NAV2: variants seen among roughly 807,000 people sequenced by gnomAD.
NAV2 encodes neuron navigator 2, also known as helicase, APC down-regulated 1.
NAV2 carries 54 observed loss-of-function variants against 223.2 expected under a neutral mutation model. The observed-to-expected ratio is 0.24, with a 90% confidence interval of 0.19 to 0.30. The LOEUF is 0.30. NAV2 is among the 10% of genes least tolerant of loss of function. The probability of loss-of-function intolerance (pLI) is 1.00; values close to 1 mark genes in which losing one functional copy is unlikely to be tolerated. For synonymous variants in NAV2, 1,279 were observed against 1,239.3 expected (o/e 1.03, Z -0.67); for missense variants, 2,806 against 3,147.5 (o/e 0.89, Z 2.60).
intron 26 of NAV2, among the ~76,000 whole-genome samples, chr11:20,089,674 T>C (rs1354614333): frequency 6.6e-6 from 1 of 152,232 alleles, no homozygotes; most frequent in Non-Finnish European, 1.5e-5. Context: ...CTTTCTATTC[T>C]GGATCACCCA....
intron 10 of NAV2, among the ~76,000 whole-genome samples, chr11:19,980,718 A>G (rs2050218790): frequency 6.6e-6 from 1 of 152,262 alleles, no homozygotes; most frequent in Non-Finnish European, 1.5e-5. Flanking sequence ...CAATTCCTAT[A>G]CAAATTTTGG....
intron 1 of NAV2, among the ~76,000 whole-genome samples, chr11:19,416,184 A>C (rs1167527990): frequency 1.3e-5 from 2 of 152,246 alleles, no homozygotes; most frequent in Non-Finnish European, 2.9e-5. Context: ...ATGATTGTAT[A>C]TTTAGAAAAC....
intron 1 of NAV2, among the ~76,000 whole-genome samples, chr11:19,670,161 C>T (rs567571098): frequency 1.8e-4 from 28 of 152,288 alleles, no homozygotes; most frequent in African/African-American, 6.3e-4. Context: ...ACGCTGTTGC[C>T]TCTGCCTAGA....
At position 20,045,585 on chromosome 11, in the gene NAV2, G is replaced by C; in HGVS notation, c.3817G>C (p.Ala1273Pro). ...ASCNSVKVNPAAQPVSSPAQT... is the reference protein window; with the variant it reads ...ASCNSVKVNPPAQPVSSPAQT... The stretch of plus-strand genomic sequence containing the variant: ...CTGTAACTCGGTGAAAGTGAATCCG[G>C]CAGCCCAGCCTGTGTCCAGTCCGGC... Residue 1273 changes from alanine to proline, a missense_variant, in exon 14 of 38, where the codon GCA becomes CCA. Physicochemically the swap from Ala to Pro is conservative, Grantham distance 27 (BLOSUM62 -1). Transcript: ENST00000349880. The C allele has an allele frequency of 6.2e-7, 1 of 1,614,142 alleles. No individual in the cohort carries two copies. The highest frequency in any genetic ancestry group is 8.5e-7 in the Non-Finnish European group (1 of 1,180,018).
intron 1 of NAV2, chr11:19,504,989 T>C (rs2043078779): frequency 6.6e-6 from 1 of 152,166 alleles, no homozygotes; most frequent in African/African-American, 2.4e-5. Context: ...AGTGATGGAG[T>C]TCGAGACTGA....
chr11:19,861,138 A>C (rs1029145296), intron 3 of NAV2, among the ~76,000 whole-genome samples: 1 of 151,742 alleles, frequency 6.6e-6, no homozygotes, highest in African/African-American at 2.4e-5. Flanking sequence ...CCAGAGTCAT[A>C]TTCTCTTAAA....
chr11:20,021,025 T>C (rs1454962521), intron 11 of NAV2, among the ~76,000 whole-genome samples: 1 of 152,194 alleles, frequency 6.6e-6, no homozygotes, highest in South Asian at 2.1e-4. Context: ...CCCATACTTC[T>C]TTTAGATTTG....
At chr11:19,941,963 G>A (rs578092743) in intron 8 of NAV2, among the ~76,000 whole-genome samples, 62 of 152,120 alleles carry the variant, frequency 4.1e-4, no homozygotes, top group African/African-American at 1.3e-3. Context: ...TTTTTTCCAT[G>A]GTCCTTTTGT....
chr11:19,831,533 A>C (rs926696997), intron 1 of NAV2, among the ~76,000 whole-genome samples: 1 of 152,302 alleles, frequency 6.6e-6, no homozygotes, highest in Non-Finnish European at 1.5e-5. Flanking sequence ...CCTAAGGCCT[A>C]CATGTTCACA....
At chr11:19,514,888 G>A (rs2043395965) in intron 1 of NAV2, among the ~76,000 whole-genome samples, 1 of 152,112 alleles carries the variant, frequency 6.6e-6, no homozygotes, top group South Asian at 2.1e-4. Context: ...GAGTTTTTGG[G>A]GCCTCTGAGC....
intron 1 of NAV2, among the ~76,000 whole-genome samples, chr11:19,476,786 G>T (rs2042129406): frequency 6.6e-6 from 1 of 152,152 alleles, no homozygotes; most frequent in African/African-American, 2.4e-5. Flanking sequence ...CTTAGACTTG[G>T]GGAATCAAAA....
At chr11:19,907,341 C>G (rs1008878718) in intron 6 of NAV2, among the ~76,000 whole-genome samples, 1 of 152,092 alleles carries the variant, frequency 6.6e-6, no homozygotes, top group Non-Finnish European at 1.5e-5. Context: ...TCTGATAAAC[C>G]GTGATGAAAA....
chr11:19,362,087 T>G (rs958299928), intron 1 of NAV2, among the ~76,000 whole-genome samples: 3 of 152,182 alleles, frequency 2.0e-5, no homozygotes, highest in African/African-American at 7.2e-5. Context: ...GGCCCTGTAA[T>G]GCAGGTGCAG....
intron 1 of NAV2, among the ~76,000 whole-genome samples, chr11:19,741,406 C>A (rs1487867162): frequency 2.6e-5 from 4 of 151,530 alleles, no homozygotes; most frequent in African/African-American, 9.7e-5. Flanking sequence ...TGTTCTATAT[C>A]TCCCCATTCT....
At chr11:19,381,876 C>CGGTTCTGG (rs1848849407) in intron 1 of NAV2, among the ~76,000 whole-genome samples, 1 of 152,112 alleles carries the variant, frequency 6.6e-6, no homozygotes, top group African/African-American at 2.4e-5. Flanking sequence ...TTAGAGGGGC[C>CGGTTCTGG]GTTTCTGGGT....
chr11:19,524,980 C>A (rs775603178), intron 1 of NAV2, among the ~76,000 whole-genome samples: 5 of 152,106 alleles, frequency 3.3e-5, no homozygotes, highest in Non-Finnish European at 7.4e-5. Context: ...GGGTTTTTTT[C>A]TTCCTGTTAA....
chr11:19,744,142 A>G (rs1352858873), intron 1 of NAV2, among the ~76,000 whole-genome samples: 1 of 152,226 alleles, frequency 6.6e-6, no homozygotes, highest in Non-Finnish European at 1.5e-5. Flanking sequence ...ACAGAGGTTC[A>G]GTCACTTAGT....
chr11:19,832,660 G>A (rs1318726083), intron 2 of NAV2, 59 bp downstream of exon 2: 36 of 1,326,588 alleles, frequency 2.7e-5, no homozygotes, highest in South Asian at 3.5e-5. Flanking sequence ...TCAAAAGGCC[G>A]GGGTGAGGGG....
intron 12 of NAV2, among the ~76,000 whole-genome samples, chr11:20,040,681 A>T (rs74385753): frequency 1.4e-4 from 21 of 152,298 alleles, no homozygotes; most frequent in African/African-American, 5.1e-4. Flanking sequence ...GAATGACTAC[A>T]TAGACTTCCA....
Sources: allele counts gnomAD v4.1 joint callset (sites outside exome capture counted in the v4.1 genomes callset), GRCh38; gene constraint gnomAD v4.1.1; transcripts MANE v1.5; gene names NCBI Gene and HGNC (gene_info 2026-07-23, HGNC 2026-07-21).